Variants in VAX2 observed in about 807,000 individuals in gnomAD.
The protein encoded by VAX2 is ventral anterior homeobox 2.
VAX2 carries 8 observed loss-of-function variants against 12.5 expected under a neutral mutation model. The ratio of observed to expected loss-of-function variants is 0.64; its 90% CI spans 0.37 to 1.15. The LOEUF is 1.15. VAX2 is among the 50% of genes most tolerant of loss of function. The pLI is 0.01. For synonymous variants in VAX2, 183 were observed against 187.6 expected, an observed-to-expected ratio of 0.98 and a Z score of 0.20; for missense variants, 476 against 412.9, an observed-to-expected ratio of 1.15 and a Z score of -1.32.
At chr2:70,929,444 T>C (rs1222095954) in intron 2 of VAX2, among the ~76,000 whole-genome samples, 2 of 149,948 alleles carry the variant, frequency 1.3e-5, no homozygotes, top group African/African-American at 4.9e-5. Context: ...ATCCCAGCAC[T>C]TTAGGAGGCC....
rs561081701 is a variant in VAX2, at chr2:70,909,784, C to T, written c.247+8916C>T. Among the ~76,000 whole-genome samples, 6 of 152,226 alleles carry T rather than the reference C, an allele frequency of 3.9e-5. No individual in the cohort carries two copies. The South Asian group carries it at 1.2e-3, about 32-fold the overall frequency. On this transcript the variant is annotated intron_variant, in intron 1 of 2. Transcript: ENST00000234392. Reference sequence around the variant, plus strand: ...ATTCCGTTATGTAGATATCATATAACTTATTTAACTAGTCCTCTATTAATG... The same window carrying T: ...ATTCCGTTATGTAGATATCATATAATTTATTTAACTAGTCCTCTATTAATG...
At chr2:70,924,812 G>C (rs1679532805) in intron 2 of VAX2, among the ~76,000 whole-genome samples, 1 of 152,194 alleles carries the variant, frequency 6.6e-6, no homozygotes, top group Non-Finnish European at 1.5e-5. Flanking sequence ...CCAGGCATCT[G>C]CCCTCGTGCA....
At chr2:70,930,320 C>T (rs1679665222) in intron 2 of VAX2, among the ~76,000 whole-genome samples, 1 of 152,220 alleles carries the variant, frequency 6.6e-6, no homozygotes, top group Admixed American at 6.5e-5. Context: ...ACAGCCTTGA[C>T]TCACTGCTTG....
intron 1 of VAX2, among the ~76,000 whole-genome samples, chr2:70,910,500 C>T (rs72832743): frequency 0.02 from 3,087 of 152,166 alleles, 46 homozygotes; most frequent in Admixed American, 0.05. Flanking sequence ...CATTTCTCTA[C>T]GTCCTCCCAA....
intron 1 of VAX2, among the ~76,000 whole-genome samples, chr2:70,906,278 T>A (rs1679057036): frequency 6.6e-6 from 1 of 152,130 alleles, no homozygotes; most frequent in African/African-American, 2.4e-5. Context: ...GTTCTCCCAC[T>A]GTTGGTGGAT....
At chr2:70,902,357 A>T (rs1678953664) in intron 1 of VAX2, among the ~76,000 whole-genome samples, 1 of 152,230 alleles carries the variant, frequency 6.6e-6, no homozygotes, top group Admixed American at 6.5e-5. Flanking sequence ...CAGTTATACC[A>T]TCAGGAATTC....
chr2:70,902,908 C>A (rs4852728), intron 1 of VAX2, among the ~76,000 whole-genome samples: 38,082 of 152,016 alleles, frequency 0.25, 5,168 homozygotes, highest in South Asian at 0.34. Context: ...AAAATATAAT[C>A]GAAATATTAG....
chr2:70,920,750 T>G (rs1553412724), intron 1 of VAX2, among the ~76,000 whole-genome samples: 1 of 152,098 alleles, frequency 6.6e-6, no homozygotes, highest in Non-Finnish European at 1.5e-5. Context: ...TCATCCCCTA[T>G]GTACTTGAGG....
chr2:70,917,902 A>T (rs1281629970), intron 1 of VAX2, among the ~76,000 whole-genome samples: 1 of 152,188 alleles, frequency 6.6e-6, no homozygotes, highest in Non-Finnish European at 1.5e-5. Context: ...TTCATACCCC[A>T]CAAAACATGT....
At position 70,904,979 on chromosome 2, in the gene VAX2, G is replaced by A. The variant is rs993562965; in HGVS notation, c.247+4111G>A. On this transcript the variant is annotated intron_variant, in intron 1 of 2. Coordinates refer to ENST00000234392, the MANE Select transcript of VAX2 (RefSeq NM_012476.3). This position sits in a 1 kb window ranked among gnomAD's most constrained non-coding sequence, Gnocchi z 4.2. Reference sequence around the variant, plus strand: ...GTCTGAAGAAGCCATACAAGGGGGCGCAGCTTCGGGGCTCTGGCTGGGAGG... The same window carrying A: ...GTCTGAAGAAGCCATACAAGGGGGCACAGCTTCGGGGCTCTGGCTGGGAGG... Among the ~76,000 whole-genome samples the A allele has an allele frequency of 6.6e-6, 1 of 152,216 alleles. No individual in the cohort carries two copies. Among genetic ancestry groups the A allele is most frequent in the Non-Finnish European group, 1.5e-5 (1 of 68,038 alleles).
At chr2:70,929,230 C>T (rs1194801381) in intron 2 of VAX2, among the ~76,000 whole-genome samples, 1 of 152,240 alleles carries the variant, frequency 6.6e-6, no homozygotes, top group African/African-American at 2.4e-5. Context: ...TTCAGGGAGG[C>T]TGTATGTGCC....
At chr2:70,931,569 G>A (rs1679694772) in intron 2 of VAX2, among the ~76,000 whole-genome samples, 1 of 152,190 alleles carries the variant, frequency 6.6e-6, no homozygotes, top group African/African-American at 2.4e-5. Context: ...CCCTCCCTAC[G>A]GAATGAGGAC....
At chr2:70,932,102 T>C (rs1679705862) in intron 2 of VAX2, among the ~76,000 whole-genome samples, 1 of 152,156 alleles carries the variant, frequency 6.6e-6, no homozygotes, top group Admixed American at 6.5e-5. Context: ...GAGGTGCTGC[T>C]GTAGAGACAA....
chr2:70,925,844 G>A (rs1679559575), intron 2 of VAX2, among the ~76,000 whole-genome samples: 1 of 152,164 alleles, frequency 6.6e-6, no homozygotes, highest in South Asian at 2.1e-4. Context: ...GTGCTCTGCT[G>A]AGTATGTGCT....
intron 2 of VAX2, among the ~76,000 whole-genome samples, chr2:70,925,277 C>G (rs151050597): frequency 6.6e-6 from 1 of 152,146 alleles, no homozygotes; most frequent in Non-Finnish European, 1.5e-5. Flanking sequence ...CAGGTGTGGA[C>G]AGGTAGGAAC....
intron 1 of VAX2, among the ~76,000 whole-genome samples, chr2:70,909,874 C>A (rs1679144980): frequency 6.6e-6 from 1 of 151,998 alleles, no homozygotes; most frequent in African/African-American, 2.4e-5. Context: ...TCTTTGTATC[C>A]TAATTTGAAC....
rs139421256 is a variant in VAX2 at position 70,904,185 on chromosome 2, G to T, written c.247+3317G>T. On this transcript the variant is annotated intron_variant, in intron 1 of 2. Transcript: ENST00000234392. This position sits in a 1 kb window ranked among gnomAD's most constrained non-coding sequence, Gnocchi z 4.2. Reference sequence around the variant, plus strand: ...CTCCGCGTGCACAGTCCCTAGACCAGTGAGGGCGGGGACGGGGAAATCCTT... The same window carrying T: ...CTCCGCGTGCACAGTCCCTAGACCATTGAGGGCGGGGACGGGGAAATCCTT... 0.011 allele frequency among the ~76,000 whole-genome samples: 1,610 copies of T among 152,382 alleles called. 26 individuals are homozygous for T. Among genetic ancestry groups the T allele is most frequent in the African/African-American group, 0.035 (1,445 of 41,592 alleles).
At chr2:70,906,438 G>A (rs1468938587) in intron 1 of VAX2, among the ~76,000 whole-genome samples, 2 of 148,682 alleles carry the variant, frequency 1.3e-5, no homozygotes, top group Non-Finnish European at 3.0e-5. Context: ...GCTTGGGCTT[G>A]TAAAGGCTCA....
intron 1 of VAX2, among the ~76,000 whole-genome samples, chr2:70,919,894 T>C (rs1679411569): frequency 6.6e-6 from 1 of 152,170 alleles, no homozygotes. Context: ...ATTAAGTGCT[T>C]AGAACAGTGA....
Sources: gnomAD v4.1 joint callset for allele counts (sites outside exome capture counted in the v4.1 genomes callset) on GRCh38, gnomAD v4.1.1 for gene constraint, Gnocchi (gnomAD v3.1) non-coding constraint, MANE v1.5 for transcripts, NCBI Gene and HGNC (gene_info 2026-07-23, HGNC 2026-07-21) for gene names.